The following GPHN variants were observed in gnomAD, a reference collection of about 807,000 sequenced individuals.
GPHN encodes the protein gephyrin.
A neutral mutation model predicts 95.5 loss-of-function variants in GPHN; 17 were observed. The ratio of observed to expected loss-of-function variants is 0.18; its 90% confidence interval spans 0.12 to 0.27. The LOEUF (loss-of-function observed/expected upper bound fraction) is 0.27, where lower values mean the gene tolerates loss of function less well. Ranked by LOEUF, GPHN falls within the 10% of genes least tolerant of loss-of-function variation. GPHN has a pLI of 1.00. For synonymous variants in GPHN, 320 were observed against 322.5 expected, an observed-to-expected ratio of 0.99 and a Z score of 0.08; for missense variants, 660 against 978.1, an observed-to-expected ratio of 0.67 and a Z score of 4.34.
intron 1 of GPHN, among the ~76,000 whole-genome samples, chr14:66,607,126 A>C (rs1029737550): frequency 3.3e-5 from 5 of 151,986 alleles, no homozygotes; most frequent in African/African-American, 4.8e-5. Flanking sequence ...TTTCATTCTT[A>C]TTATTGTGAG....
the GPHN span, among the ~76,000 whole-genome samples, chr14:67,522,181 A>G: frequency 6.6e-6 from 1 of 152,104 alleles, no homozygotes; most frequent in African/African-American, 2.4e-5. Context: ...TCAAAACAAA[A>G]CAAAAAAAGA....
chr14:67,709,345 C>G, the GPHN span, among the ~76,000 whole-genome samples: 2 of 152,096 alleles, frequency 1.3e-5, no homozygotes, highest in African/African-American at 4.8e-5. Context: ...CAGCATGAAG[C>G]CAATTAAATT....
the GPHN span, chr14:67,724,518 T>C: frequency 1.2e-6 from 2 of 1,612,968 alleles, no homozygotes; most frequent in Non-Finnish European, 1.7e-6. Flanking sequence ...TGCAGCTTCC[T>C]GGCAAGGTAG....
At chr14:67,352,961 T>C in the GPHN span, 30 of 1,613,526 alleles carry the variant, frequency 1.9e-5, no homozygotes, top group South Asian at 2.2e-5. Flanking sequence ...AATCGAAGAG[T>C]TAAGGCATCA....
Position 66,840,029 on chromosome 14 carries a change from A to C in GPHN, c.294+15463A>C, listed in dbSNP as rs376926585. Among the ~76,000 whole-genome samples, 15 of 152,296 alleles carry C rather than the reference A, an allele frequency of 9.8e-5. No homozygotes were observed. In the East Asian group the frequency reaches 2.1e-3, roughly 22 times the overall value. ...TGTGGTAGCTCATGCCTGTAATCCC[A>C]GCACTTTGGGAGGTCAAGGTGGGCA... On this transcript the variant is annotated intron_variant, in intron 4 of 22. Transcript: ENST00000478722.
chr14:67,684,800 A>G, the GPHN span: 1 of 392,104 alleles, frequency 2.6e-6, no homozygotes, highest in Non-Finnish European at 4.5e-6. Flanking sequence ...AACAAACAGA[A>G]TGCATAATTA....
chr14:66,887,550 G>A lies in GPHN; in HGVS notation c.389+7517G>A, dbSNP rs571766214. 2.9e-4 allele frequency among the ~76,000 whole-genome samples: 44 copies of A among 152,228 alleles called. 2 individuals carry two copies. The South Asian group carries it at 8.7e-3, about 30-fold the overall frequency. ...AGATCGTGCCACTGCACTCCAGCCT[G>A]GCGACAGAGCGAGACTCCATCTCAA... is the stretch of plus-strand genomic sequence containing the variant. On this transcript the variant is annotated intron_variant, in intron 5 of 22. Coordinates refer to ENST00000478722, the MANE Select transcript of GPHN (RefSeq NM_020806.5).
the GPHN span, chr14:67,585,554 T>C: frequency 5.8e-6 from 9 of 1,554,622 alleles, no homozygotes; most frequent in Non-Finnish European, 7.9e-6. Context: ...GATGGGTTGT[T>C]TCTGTTTCCC....
At chr14:66,553,337 C>T (rs970920815) in intron 1 of GPHN, among the ~76,000 whole-genome samples, 1 of 152,028 alleles carries the variant, frequency 6.6e-6, no homozygotes, top group Non-Finnish European at 1.5e-5. Flanking sequence ...TGAGAACTTT[C>T]TAGTCACTAT....
At chr14:67,548,588 T>C in the GPHN span, among the ~76,000 whole-genome samples, 5 of 152,142 alleles carry the variant, frequency 3.3e-5, no homozygotes, top group African/African-American at 9.6e-5. Context: ...TCCCAGCTAC[T>C]CTGGAGGCTG....
chr14:67,183,715 C>T (rs138730646), downstream of GPHN, among the ~76,000 whole-genome samples: 1,834 of 151,976 alleles, frequency 0.012, 18 homozygotes, highest in Non-Finnish European at 0.018. Flanking sequence ...AGGCATGCAC[C>T]GCCAGGCCCA....
At chr14:66,515,349 TTATTACTAAAAGG>T (rs2058197626) in intron 1 of GPHN, among the ~76,000 whole-genome samples, 2 of 152,198 alleles carry the variant, frequency 1.3e-5, no homozygotes, top group Admixed American at 1.3e-4. Flanking sequence ...AACTTGGCTA[TTATTACTAAAAGG>T]ATAGTTTAGG....
At chr14:66,520,713 A>T (rs368384010) in intron 1 of GPHN, among the ~76,000 whole-genome samples, 2 of 139,990 alleles carry the variant, frequency 1.4e-5, no homozygotes, top group East Asian at 2.1e-4. Context: ...TTTTTTTTTT[A>T]AACTTTTATT....
chr14:67,488,432 TGCTCA>T, the GPHN span: 3 of 152,492 alleles, frequency 2.0e-5, no homozygotes, highest in East Asian at 5.8e-4. Flanking sequence ...TGGGCTGCTG[TGCTCA>T]GCCTTGCCTC....
chr14:66,530,794 G>T (rs1468640427), intron 1 of GPHN, among the ~76,000 whole-genome samples: 1 of 151,968 alleles, frequency 6.6e-6, no homozygotes. Flanking sequence ...TGCAACCACT[G>T]TCTAACCAGT....
intron 1 of GPHN, among the ~76,000 whole-genome samples, chr14:66,530,304 G>A (rs1174907560): frequency 6.6e-6 from 1 of 152,270 alleles, no homozygotes. Flanking sequence ...CTTGCACCAA[G>A]CTGGAGTGTC....
the GPHN span, among the ~76,000 whole-genome samples, chr14:67,444,812 T>A: frequency 6.6e-6 from 1 of 152,096 alleles, no homozygotes; most frequent in African/African-American, 2.4e-5. Flanking sequence ...CAGGTTGGAG[T>A]GCAGTGGCAA....
the GPHN span, among the ~76,000 whole-genome samples, chr14:67,697,315 T>C: frequency 2.6e-5 from 4 of 152,170 alleles, no homozygotes; most frequent in South Asian, 6.2e-4. Flanking sequence ...TTTGAGGAAA[T>C]AACATTTGAG....
chr14:66,710,593 G>C (rs1847727325), intron 2 of GPHN, among the ~76,000 whole-genome samples: 2 of 152,068 alleles, frequency 1.3e-5, no homozygotes, highest in African/African-American at 4.8e-5. Flanking sequence ...AGATCTGCTT[G>C]TTTGCCCTCA....
Sources: gnomAD v4.1 joint callset for allele counts (sites outside exome capture counted in the v4.1 genomes callset) on GRCh38, gnomAD v4.1.1 for gene constraint, MANE v1.5 for transcripts, NCBI Gene and HGNC (gene_info 2026-07-23, HGNC 2026-07-21) for gene names.